Variants in CDH13 observed in about 807,000 individuals in gnomAD.
CDH13 encodes cadherin 13, also known as cadherin-13.
In CDH13, 24 loss-of-function variants were observed where a neutral mutation model predicts 63.8. The ratio of observed to expected loss-of-function variants is 0.38; its 90% confidence interval spans 0.27 to 0.53. The LOEUF is 0.53. CDH13 is among the 20% of genes least tolerant of loss of function. The pLI, the probability that CDH13 is intolerant of heterozygous loss-of-function variation, is 0.85. For synonymous variants in CDH13, 503 were observed against 355.3 expected (o/e 1.42, Z -4.67); for missense variants, 1,049 against 903.1 (o/e 1.16, Z -2.07).
At chr16:82,924,668 G>C (rs951931071) in intron 2 of CDH13, among the ~76,000 whole-genome samples, 4 of 152,146 alleles carry the variant, frequency 2.6e-5, no homozygotes, top group African/African-American at 9.7e-5. Context: ...GTGAGTTACC[G>C]TTATCAATCT....
At chr16:83,226,231 C>T (rs2039833508) in intron 5 of CDH13, among the ~76,000 whole-genome samples, 1 of 152,210 alleles carries the variant, frequency 6.6e-6, no homozygotes, top group Non-Finnish European at 1.5e-5. Flanking sequence ...TCAGGTGCAG[C>T]TGGCGAAACT....
chr16:82,830,978 T>C (rs1404487026), intron 1 of CDH13, among the ~76,000 whole-genome samples: 2 of 152,186 alleles, frequency 1.3e-5, no homozygotes, highest in African/African-American at 4.8e-5. Context: ...TAGCAAATCT[T>C]CCGCAGAGCT....
chr16:83,500,281 TC>T lies in CDH13; in HGVS notation c.960+13627del, dbSNP rs1348937962. Among the ~76,000 whole-genome samples, 52 of 2,366 alleles carry T rather than the reference TC, an allele frequency of 0.022. 3 individuals are homozygous for T. The East Asian group carries it at 0.58, about 26-fold the overall frequency. The allele number at this position is 2,366 out of a possible 152,430, so 1.6% of individuals were successfully genotyped here. ...TTCTTCTTCTTCTTCTTCTTCTTCTTCTTCTTCTTCTTCTCCTTCTCCTTCT... is the reference window on the plus strand; with the variant it reads ...TTCTTCTTCTTCTTCTTCTTCTTCTTTTCTTCTTCTTCTCCTTCTCCTTCT... On this transcript the variant is annotated intron_variant, in intron 7 of 13. Transcript: ENST00000567109.
chr16:83,762,810 G>C (rs1199585735), intron 11 of CDH13, among the ~76,000 whole-genome samples: 1 of 152,188 alleles, frequency 6.6e-6, no homozygotes, highest in Non-Finnish European at 1.5e-5. Flanking sequence ...TTCCATGATT[G>C]TTATTGAATG....
intron 1 of CDH13, among the ~76,000 whole-genome samples, chr16:82,793,314 A>G (rs1426437066): frequency 1.3e-5 from 2 of 152,178 alleles, no homozygotes; most frequent in African/African-American, 4.8e-5. Context: ...AATAAAAAGC[A>G]GTAGCAAAGG....
rs142878111 is a variant in CDH13 at position 83,527,585 on chromosome 16, G to A, written c.960+40930G>A. On this transcript the variant is annotated intron_variant, in intron 7 of 13. Coordinates refer to ENST00000567109, the MANE Select transcript of CDH13 (RefSeq NM_001257.5). ...GAAACGGCCCAGGGCAACTACATCC[G>A]TTTGATGGCATTATAGAGATGGCCC... Among the ~76,000 whole-genome samples, 533 of 152,264 alleles carry A rather than the reference G, an allele frequency of 3.5e-3. 1 individual carries two copies. Among genetic ancestry groups the A allele is most frequent in the African/African-American group, 7.1e-3 (294 of 41,570 alleles).
chr16:82,748,280 T>C (rs571608420), intron 1 of CDH13, among the ~76,000 whole-genome samples: 34 of 152,312 alleles, frequency 2.2e-4, no homozygotes, highest in Non-Finnish European at 4.0e-4. Context: ...CAATTCATGT[T>C]CCCATCCAGA....
chr16:83,025,009 C>G (rs549371548), intron 2 of CDH13, among the ~76,000 whole-genome samples: 1 of 152,242 alleles, frequency 6.6e-6, no homozygotes, highest in East Asian at 1.9e-4. Context: ...AGCAAGGTAC[C>G]TGACTAGAAG....
At chr16:83,344,606 T>A (rs2090798159) in intron 5 of CDH13, among the ~76,000 whole-genome samples, 1 of 152,226 alleles carries the variant, frequency 6.6e-6, no homozygotes, top group African/African-American at 2.4e-5. Flanking sequence ...TTTGTTTTGT[T>A]TTAACTTTCT....
chr16:83,267,594 G>C (rs2088663611), intron 5 of CDH13, among the ~76,000 whole-genome samples: 3 of 152,138 alleles, frequency 2.0e-5, no homozygotes, highest in African/African-American at 7.2e-5. Flanking sequence ...TCTCAGGAGA[G>C]TGTTTGTTAC....
intron 1 of CDH13, among the ~76,000 whole-genome samples, chr16:82,686,350 A>G (rs1403272231): frequency 6.6e-6 from 1 of 152,230 alleles, no homozygotes; most frequent in African/African-American, 2.4e-5. Context: ...ACTAGAACAC[A>G]ATCACCAGTT....
At chr16:82,706,735 C>T (rs1050644387) in intron 1 of CDH13, among the ~76,000 whole-genome samples, 8 of 151,528 alleles carry the variant, frequency 5.3e-5, no homozygotes, top group Middle Eastern at 3.2e-3. Flanking sequence ...ACCCAGGAGA[C>T]GGAGGTTGCG....
intron 2 of CDH13, among the ~76,000 whole-genome samples, chr16:82,861,551 A>G (rs553502211): frequency 6.6e-6 from 1 of 152,058 alleles, no homozygotes; most frequent in Admixed American, 6.6e-5. Context: ...AGACAGTAAT[A>G]TTTCCTTTTA....
Position 83,705,228 on chromosome 16 carries a change from A to T in CDH13, c.1538+26767A>T, listed in dbSNP as rs191795484. Among the ~76,000 whole-genome samples the T allele has an allele frequency of 2.6e-5, 4 of 152,348 alleles. No homozygotes were observed. In the East Asian group the frequency reaches 5.8e-4, roughly 22 times the overall value. The stretch of plus-strand genomic sequence containing the variant: ...AGTTTTTTCTGTCTTTTATGCTTTC[A>T]TACAAAATGTCATGCTCTAATCACT... On this transcript the variant is annotated intron_variant, in intron 10 of 13. Coordinates refer to ENST00000567109, the MANE Select transcript of CDH13 (RefSeq NM_001257.5).
intron 3 of CDH13, among the ~76,000 whole-genome samples, chr16:83,079,301 C>G (rs564456443): frequency 3.9e-5 from 6 of 152,210 alleles, no homozygotes; most frequent in African/African-American, 1.4e-4. Context: ...CTTTTATTAA[C>G]CTTGCCTTCT....
At chr16:82,804,386 G>A (rs1157287922) in intron 1 of CDH13, among the ~76,000 whole-genome samples, 3 of 151,842 alleles carry the variant, frequency 2.0e-5, no homozygotes, top group Admixed American at 6.6e-5. Context: ...CCTTGATTGT[G>A]GTGATGGTAT....
intron 4 of CDH13, among the ~76,000 whole-genome samples, chr16:83,125,777 C>G (rs560364334): frequency 6.6e-6 from 1 of 152,244 alleles, no homozygotes; most frequent in Admixed American, 6.5e-5. Flanking sequence ...AGAAACAAGG[C>G]TCATTGCTTT....
chr16:83,340,734 A>G (rs1169521865), intron 5 of CDH13, among the ~76,000 whole-genome samples: 1 of 152,208 alleles, frequency 6.6e-6, no homozygotes, highest in Admixed American at 6.5e-5. Flanking sequence ...ACTAGAACAC[A>G]CAGCACAGAC....
intron 10 of CDH13, among the ~76,000 whole-genome samples, 167 bp downstream of exon 10, chr16:83,678,628 G>A (rs1365946437): frequency 1.3e-5 from 2 of 152,200 alleles, no homozygotes; most frequent in Non-Finnish European, 2.9e-5. Flanking sequence ...GCTGACGGCT[G>A]CAGAGGGCCA....
Sources: gnomAD v4.1 joint callset for allele counts (sites outside exome capture counted in the v4.1 genomes callset) on GRCh38, gnomAD v4.1.1 for gene constraint, MANE v1.5 for transcripts, NCBI Gene and HGNC (gene_info 2026-07-23, HGNC 2026-07-21) for gene names.